EP300: variants seen among roughly 807,000 people sequenced by gnomAD.
EP300 encodes histone acetyltransferase p300.
In EP300, 31 loss-of-function variants were observed where a neutral mutation model predicts 264.0. The ratio of observed to expected loss-of-function variants is 0.12; its 90% CI spans 0.09 to 0.16. The LOEUF is 0.16. EP300 is among the 10% of genes least tolerant of loss of function. EP300 has a pLI of 1.00. For missense variants in EP300, 2,766 were observed against 3,052.9 expected, an observed-to-expected ratio of 0.91 and a Z score of 2.21; for synonymous variants, 1,340 against 1,045.4, an observed-to-expected ratio of 1.28 and a Z score of -5.44.
At chr22:41,106,524 T>C (rs1029944230) in intron 1 of EP300, among the ~76,000 whole-genome samples, 6 of 152,182 alleles carry the variant, frequency 3.9e-5, no homozygotes, top group African/African-American at 1.4e-4. Context: ...CCACCTTAGG[T>C]TGTTCCACTC....
At position 41,169,486 on chromosome 22, in the gene EP300, C is replaced by G. The variant is rs928863480; in HGVS notation, c.4173-17C>G. Reference sequence around the variant, plus strand: ...CTGACTTTTTTTTTCCTCTTCATTTCTCTTCATTTTGTATAGGAGAGTATA... The same window carrying G: ...CTGACTTTTTTTTTCCTCTTCATTTGTCTTCATTTTGTATAGGAGAGTATA... On this transcript the variant is annotated splice_polypyrimidine_tract_variant and intron_variant, in intron 25 of 30. Transcript: ENST00000263253. 6.5e-7 allele frequency: 1 copy of G among 1,529,920 alleles called. No individual in the cohort carries two copies. The highest frequency in any genetic ancestry group is 2.2e-5 in the East Asian group (1 of 44,464). 94.8% of individuals were successfully genotyped at this position (1,529,920 alleles called of 1,614,324 possible).
intron 1 of EP300, among the ~76,000 whole-genome samples, chr22:41,113,628 ACT>A (rs2145692262): frequency 6.6e-6 from 1 of 151,484 alleles, no homozygotes; most frequent in South Asian, 2.1e-4. Flanking sequence ...CTCACTGCAA[ACT>A]CTGTCTCCCG....
At chr22:41,121,794 A>G (rs1364974440) in intron 2 of EP300, among the ~76,000 whole-genome samples, 1 of 152,320 alleles carries the variant, frequency 6.6e-6, no homozygotes, top group South Asian at 2.1e-4. Context: ...AGAAATTCCA[A>G]CATTTTGTTG....
chr22:41,093,202 G>T, intron 1 of EP300, 104 bp downstream of exon 1: 1 of 1,140,166 alleles, frequency 8.8e-7, no homozygotes, highest in Non-Finnish European at 1.3e-6. Flanking sequence ...CTAGTTCCCT[G>T]CCCCTTAATT....
intron 23 of EP300, among the ~76,000 whole-genome samples, chr22:41,167,553 T>G (rs987751621): frequency 8.1e-6 from 1 of 123,454 alleles, no homozygotes; most frequent in East Asian, 2.3e-4. Context: ...GTTCATTGTT[T>G]ATATATTTGT....
chr22:41,124,732 A>T (rs2058871159), intron 2 of EP300, among the ~76,000 whole-genome samples: 1 of 152,212 alleles, frequency 6.6e-6, no homozygotes, highest in Non-Finnish European at 1.5e-5. Flanking sequence ...GCCATGTAGC[A>T]TCATGTGTGA....
At chr22:41,136,909 A>G (rs184919483) in intron 7 of EP300, among the ~76,000 whole-genome samples, 1 of 151,862 alleles carries the variant, frequency 6.6e-6, no homozygotes, top group African/African-American at 2.4e-5. Flanking sequence ...GAAATAAGAA[A>G]ATTAGCCGGG....
rs2145720630 is a variant in EP300 at position 41,135,853 on chromosome 22, A to G, written c.1569A>G (p.Gln523=). The change falls in exon 7 of 31, where the codon CAA becomes CAG. Residue 523 remains glutamine, a synonymous_variant. Coordinates refer to ENST00000263253, the MANE Select transcript of EP300 (RefSeq NM_001429.4). ...GAGTAAATGGAGGTGTAGGAGTTCA[A>G]ACGCCGAGTCTTCTTTCTGACTCAA... The part of the protein sequence containing the change: ...PMGVNGGVGV[Q]TPSLLSDSML... 2 of 1,614,140 alleles carry G rather than the reference A, an allele frequency of 1.2e-6. No homozygotes were observed. Among genetic ancestry groups the G allele is most frequent in the Non-Finnish European group, 1.7e-6 (2 of 1,180,008 alleles).
intron 18 of EP300, 43 bp downstream of exon 18, chr22:41,157,451 A>AT: frequency 6.3e-7 from 1 of 1,599,864 alleles, no homozygotes; most frequent in Non-Finnish European, 8.5e-7. Context: ...TTTCTGGGAT[A>AT]CCTAGAATAA....
rs544652198 is a variant in EP300, at chr22:41,128,896, G to A, written c.1169-994G>A. On this transcript the variant is annotated intron_variant, in intron 4 of 30. Transcript: ENST00000263253. Reference sequence around the variant, plus strand: ...ATGCATCATCACAGTTAACTCACTCGGTAAAGGTCGTCTTGGCTGCGTCCA... The same window carrying A: ...ATGCATCATCACAGTTAACTCACTCAGTAAAGGTCGTCTTGGCTGCGTCCA... 1.1e-4 allele frequency among the ~76,000 whole-genome samples: 16 copies of A among 152,216 alleles called. 1 individual carries two copies. In the South Asian group the frequency reaches 2.9e-3, roughly 28 times the overall value.
At chr22:41,134,899 T>TTTC (rs1601609537) in intron 6 of EP300, among the ~76,000 whole-genome samples, 1 of 126,534 alleles carries the variant, frequency 7.9e-6, no homozygotes, top group East Asian at 3.2e-4. Context: ...GCATTGCTTT[T>TTTC]TTCTTTCTTT....
At chr22:41,109,829 C>T (rs1253900048) in intron 1 of EP300, among the ~76,000 whole-genome samples, 1 of 151,670 alleles carries the variant, frequency 6.6e-6, no homozygotes, top group Non-Finnish European at 1.5e-5. Context: ...ACCACCACCC[C>T]CCAAGATGTA....
In EP300 at chr22:41,092,903, C is replaced by T. The variant is rs2058680966; in HGVS notation, c.-102C>T. On this transcript the variant is annotated 5_prime_UTR_variant, in exon 1 of 31. Transcript: ENST00000263253. ...CCCACCCCCTCGGGTGCCGTCGGAG[C>T]CCCCCAGCCCACCCCTGGGTGCGGC... 2 of 1,313,316 alleles carry T rather than the reference C, an allele frequency of 1.5e-6. No homozygotes were observed. Among genetic ancestry groups the T allele is most frequent in the East Asian group, 2.3e-5 (1 of 43,532 alleles). 81.4% of individuals were successfully genotyped at this position (1,313,316 alleles called of 1,614,324 possible). A position where few individuals can be genotyped will look rare whatever the true frequency, so the allele number is the denominator to read the frequency against.
intron 1 of EP300, among the ~76,000 whole-genome samples, chr22:41,097,869 T>A (rs1204660566): frequency 1.3e-5 from 2 of 152,150 alleles, no homozygotes; most frequent in Non-Finnish European, 2.9e-5. Flanking sequence ...TAATTTTTTG[T>A]ATTTTTAGTA....
Position 41,177,654 on chromosome 22 carries a change from G to C in EP300, c.5943G>C (p.Glu1981Asp), listed in dbSNP as rs955056237. ...CCAGAGGTCCCAGTGGGCATTTGGA[G>C]CCAGGGATGGGACCGACAGGGATGC... ...PMTRGPSGHL[E>D]PGMGPTGMQQ... The change falls in exon 31 of 31, where the codon GAG becomes GAC. Residue 1981 changes from glutamate (E) to aspartate (D), a missense_variant. Transcript: ENST00000263253. 3.1e-6 allele frequency: 5 copies of C among 1,614,040 alleles called. No individual in the cohort carries two copies. Among genetic ancestry groups the C allele is most frequent in the Non-Finnish European group, 2.5e-6 (3 of 1,180,036 alleles).
intron 1 of EP300, among the ~76,000 whole-genome samples, 169 bp from the exon 2 acceptor site, chr22:41,117,018 A>G (rs2058825228): frequency 6.6e-6 from 1 of 152,202 alleles, no homozygotes; most frequent in African/African-American, 2.4e-5. Flanking sequence ...AAGATCGCGC[A>G]CCACTGCACT....
At chr22:41,174,150 C>G (rs1024315680) in intron 29 of EP300, among the ~76,000 whole-genome samples, 6 of 150,514 alleles carry the variant, frequency 4.0e-5, no homozygotes, top group African/African-American at 1.5e-4. Flanking sequence ...ACTGACTGTT[C>G]GCTGGGCGTG....
intron 1 of EP300, among the ~76,000 whole-genome samples, chr22:41,115,575 G>A (rs1235691283): frequency 2.0e-5 from 3 of 152,136 alleles, no homozygotes; most frequent in African/African-American, 4.8e-5. Context: ...TAGGAGTATA[G>A]CCTAGTGCCA....
At chr22:41,104,965 C>T (rs2145681225) in intron 1 of EP300, among the ~76,000 whole-genome samples, 1 of 152,130 alleles carries the variant, frequency 6.6e-6, no homozygotes, top group East Asian at 2.0e-4. Flanking sequence ...GAGATTGAAA[C>T]CATCCTGGGT....
Sources: gnomAD v4.1 joint callset for allele counts (sites outside exome capture counted in the v4.1 genomes callset) on GRCh38, gnomAD v4.1.1 for gene constraint, MANE v1.5 for transcripts, NCBI Gene and HGNC (gene_info 2026-07-23, HGNC 2026-07-21) for gene names.